Variants in BLM observed in about 807,000 individuals in gnomAD.
BLM encodes BLM RecQ like helicase.
In BLM, 95 loss-of-function variants were observed where a neutral mutation model predicts 135.3. The ratio of observed to expected loss-of-function variants is 0.70; its 90% CI spans 0.59 to 0.83. The LOEUF (loss-of-function observed/expected upper bound fraction) is 0.83. Among genes scored for constraint, BLM ranks in the 40% least tolerant of loss-of-function variants. The probability of loss-of-function intolerance (pLI) is 0.00; values close to 1 mark genes in which losing one functional copy is unlikely to be tolerated. For synonymous variants in BLM, 520 were observed against 589.2 expected (o/e 0.88, Z 1.70); for missense variants, 1,518 against 1,663.9 (o/e 0.91, Z 1.53).
intron 1 of BLM, among the ~76,000 whole-genome samples, chr15:90,725,665 T>G (rs934464130): frequency 1.4e-5 from 2 of 138,666 alleles, no homozygotes; most frequent in Non-Finnish European, 3.2e-5. Flanking sequence ...CATGCCCGGC[T>G]AATTTTTTTT....
At chr15:90,734,697 A>AC (rs1491214790) in intron 1 of BLM, among the ~76,000 whole-genome samples, 541 of 7,306 alleles carry the variant, frequency 0.074, 3 homozygotes, top group East Asian at 0.48. Flanking sequence ...ACACACACGC[A>AC]GAGAGAGAGA....
Position 90,763,049 on chromosome 15 carries a change from A to G in BLM, c.1966A>G (p.Met656Val), listed in dbSNP as rs2151160648. Residue 656 changes from methionine (M) to valine (V), a missense_variant, in exon 8 of 22, where the codon ATG (methionine) becomes GTG (valine). Met to Val is a conservative substitution (Grantham distance 21). Coordinates refer to ENST00000355112, the MANE Select transcript of BLM (RefSeq NM_000057.4). ...SLSFPHTKEM[M>V]KIFHKKFGLH... ...TAGTTTTCCTCATACAAAGGAAATG[A>G]TGAAGATTTTTCATAAAAAATTTGG... is the stretch of plus-strand genomic sequence containing the variant. The G allele has an allele frequency of 6.2e-7, 1 of 1,614,104 alleles. No individual in the cohort carries two copies. Among genetic ancestry groups the G allele is most frequent in the Non-Finnish European group, 8.5e-7 (1 of 1,179,988 alleles).
At chr15:90,772,398 T>C (rs1896346343) in intron 12 of BLM, among the ~76,000 whole-genome samples, 1 of 152,100 alleles carries the variant, frequency 6.6e-6, no homozygotes, top group African/African-American at 2.4e-5. Flanking sequence ...GAGTTAACTA[T>C]AATAGAACAA....
chr15:90,804,125 GCA>G (rs771756194), intron 18 of BLM, 40 bp from the exon 19 acceptor site: 18 of 1,561,028 alleles, frequency 1.2e-5, no homozygotes, highest in Non-Finnish European at 1.6e-5. Flanking sequence ...GGGTACAAGT[GCA>G]CATATACCCA....
At chr15:90,755,320 C>G (rs1370956861) in intron 5 of BLM, 1 of 225,058 alleles carries the variant, frequency 4.4e-6, no homozygotes, top group African/African-American at 2.3e-5. Flanking sequence ...TAGAGTTTCC[C>G]TCCCCCTCCT....
chr15:90,756,622 CAG>C, intron 5 of BLM, among the ~76,000 whole-genome samples: 1 of 152,308 alleles, frequency 6.6e-6, no homozygotes, highest in East Asian at 1.9e-4. Flanking sequence ...GGGGCAAGGA[CAG>C]AGTTCTACAG....
chr15:90,772,163 A>T (rs1396874538), intron 12 of BLM, among the ~76,000 whole-genome samples: 1 of 152,184 alleles, frequency 6.6e-6, no homozygotes, highest in Non-Finnish European at 1.5e-5. Flanking sequence ...TTCTGCCAGT[A>T]GGCCCTGGTT....
chr15:90,741,994 A>G (rs777837223), intron 1 of BLM, among the ~76,000 whole-genome samples: 1 of 152,226 alleles, frequency 6.6e-6, no homozygotes, highest in Non-Finnish European at 1.5e-5. Context: ...AAATGCATTG[A>G]TAATACATAC....
chr15:90,761,272 T>C lies in BLM; in HGVS notation c.1882+17T>C. On this transcript the variant is annotated intron_variant, in intron 7 of 21. Coordinates refer to ENST00000355112, the MANE Select transcript of BLM (RefSeq NM_000057.4). ...ATTATACTGGTAAGTTTAAAATAAA[T>C]TGAATGCTTATATGAAAACAAAACT... 6.8e-7 allele frequency: 1 copy of C among 1,474,420 alleles called. No individual in the cohort carries two copies. Among genetic ancestry groups the C allele is most frequent in the Non-Finnish European group, 9.1e-7 (1 of 1,104,646 alleles). The allele number at this position is 1,474,420 out of a possible 1,614,324, so 91.3% of individuals were successfully genotyped here.
At chr15:90,797,138 G>T (rs1180570369) in intron 16 of BLM, among the ~76,000 whole-genome samples, 1 of 152,144 alleles carries the variant, frequency 6.6e-6, no homozygotes, top group Admixed American at 6.5e-5. Context: ...AGATGGCCAG[G>T]TGCAGTGGCT....
chr15:90,775,992 T>G (rs1389929718), intron 12 of BLM, among the ~76,000 whole-genome samples: 2 of 152,208 alleles, frequency 1.3e-5, no homozygotes, highest in Non-Finnish European at 2.9e-5. Context: ...GCTAGGACTT[T>G]TGTTGTTCAC....
rs374630873 is a variant in BLM at position 90,724,210 on chromosome 15, G to T, written c.-5+6770G>T. ...TTATTTTTTGTAGATACTGGGTCTT[G>T]CTTTGTTGCCTAGGCTGGTCTCAAA... On this transcript the variant is annotated intron_variant, in intron 1 of 21. Coordinates refer to ENST00000355112, the MANE Select transcript of BLM (RefSeq NM_000057.4). Among the ~76,000 whole-genome samples the T allele has an allele frequency of 7.3e-4, 111 of 151,880 alleles. 3 individuals carry two copies. In the South Asian group the frequency reaches 0.021, roughly 29 times the overall value.
At chr15:90,775,464 A>G (rs1896448920) in intron 12 of BLM, among the ~76,000 whole-genome samples, 1 of 148,720 alleles carries the variant, frequency 6.7e-6, no homozygotes, top group Non-Finnish European at 1.5e-5. Flanking sequence ...TATATATAAT[A>G]TATATGTATT....
chr15:90,769,332 T>C, intron 11 of BLM, 101 bp downstream of exon 11: 1 of 1,547,310 alleles, frequency 6.5e-7, no homozygotes, highest in Non-Finnish European at 8.9e-7. Flanking sequence ...ACGAGTCTCC[T>C]ATTTTACTGA....
intron 2 of BLM, 116 bp from the exon 3 acceptor site, chr15:90,749,251 T>C: frequency 1.4e-6 from 1 of 717,172 alleles, no homozygotes; most frequent in Non-Finnish European, 2.3e-6. Context: ...GATTCTTTGC[T>C]CAGTTGGGAT....
At chr15:90,809,353 C>T in intron 20 of BLM, 94 bp downstream of exon 20, 1 of 1,585,888 alleles carries the variant, frequency 6.3e-7, no homozygotes, top group Non-Finnish European at 8.6e-7. Flanking sequence ...GTGAATGCTT[C>T]CTACACCTCG....
At chr15:90,770,645 A>G (rs762206383) in intron 12 of BLM, among the ~76,000 whole-genome samples, 1 of 152,368 alleles carries the variant, frequency 6.6e-6, no homozygotes, top group Non-Finnish European at 1.5e-5. Context: ...TGTGCACTTT[A>G]GTTTCAGATG....
chr15:90,773,123 A>T (rs1896370400), intron 12 of BLM, among the ~76,000 whole-genome samples: 1 of 146,268 alleles, frequency 6.8e-6, no homozygotes, highest in Admixed American at 6.9e-5. Context: ...AAAAAAAGAT[A>T]AAAGCGTAGA....
At chr15:90,770,302 G>A (rs1370868186) in intron 12 of BLM, among the ~76,000 whole-genome samples, 1 of 151,478 alleles carries the variant, frequency 6.6e-6, no homozygotes, top group Non-Finnish European at 1.5e-5. Context: ...AGCCTCCCGA[G>A]TAGCTGGGAC....
Sources: allele counts gnomAD v4.1 joint callset (sites outside exome capture counted in the v4.1 genomes callset), GRCh38; gene constraint gnomAD v4.1.1; transcripts MANE v1.5; gene names NCBI Gene and HGNC (gene_info 2026-07-23, HGNC 2026-07-21).